The following ZPLD1 variants were observed in gnomAD, a reference collection of about 807,000 sequenced individuals.
ZPLD1 encodes the protein zona pellucida-like domain-containing protein 1.
Under a neutral mutation model 47.2 loss-of-function variants are expected in ZPLD1, and 34 were observed. The observed-to-expected ratio is 0.72, with a 90% CI of 0.55 to 0.96. The LOEUF is 0.96. Ranked by LOEUF, ZPLD1 falls within the 40% of genes least tolerant of loss-of-function variation. The pLI, the probability that ZPLD1 is intolerant of heterozygous loss-of-function variation, is 0.00. For synonymous variants in ZPLD1, 176 were observed against 186.2 expected (o/e 0.95, Z 0.45); for missense variants, 512 against 505.8 (o/e 1.01, Z -0.12).
intron 2 of ZPLD1, among the ~76,000 whole-genome samples, chr3:102,437,980 A>G (rs1021354016): frequency 5.9e-5 from 9 of 152,138 alleles, no homozygotes; most frequent in Admixed American, 4.6e-4. Context: ...CTGTTGGGGG[A>G]GACTTTTTTC....
chr3:102,477,594 C>T lies in ZPLD1; in HGVS notation c.1224C>T (p.Gly408=), dbSNP rs1440891733. The T allele has an allele frequency of 1.2e-6, 2 of 1,612,792 alleles. No homozygotes were observed. The highest frequency in any genetic ancestry group is 1.7e-5 in the Admixed American group (1 of 59,784). ...GACCCACAAGTTTAGTGTTGAATGG[C>T]ATAAGAAACCCAGTCTTTGACTGAC... is the stretch of plus-strand genomic sequence containing the variant. ...RKGPTSLVLN[G]IRNPVFD The change falls in exon 12 of 12, where the codon GGC becomes GGT. Residue 408 remains glycine, a synonymous_variant. Coordinates refer to ENST00000466937, the MANE Select transcript of ZPLD1 (RefSeq NM_001329788.2).
rs376223606 is a variant in ZPLD1, at chr3:102,456,175, C to T, written c.328-18C>T. The T allele has an allele frequency of 5.0e-6, 8 of 1,601,560 alleles. No individual in the cohort carries two copies. The African/African-American group carries it at 1.1e-4, about 22-fold the overall frequency. On this transcript the variant is annotated intron_variant, in intron 4 of 11. Coordinates refer to ENST00000466937, the MANE Select transcript of ZPLD1 (RefSeq NM_001329788.2). ...ATATAGCCATTTAATCATTAAACTG[C>T]ATCTAACATTCTAACAGGTATCCAC...
chr3:102,476,361 A>G (rs986811532), intron 10 of ZPLD1, among the ~76,000 whole-genome samples: 12 of 152,176 alleles, frequency 7.9e-5, no homozygotes, highest in African/African-American at 2.2e-4. Context: ...GAAATCAAGT[A>G]ATATGTTTAT....
At chr3:102,449,946 G>T (rs1439550123) in intron 3 of ZPLD1, among the ~76,000 whole-genome samples, 4 of 152,224 alleles carry the variant, frequency 2.6e-5, no homozygotes, top group African/African-American at 9.6e-5. Flanking sequence ...TAATTAGCTA[G>T]TTACTCACTG....
upstream of ZPLD1, chr3:102,434,994 A>G (rs1211349423): frequency 2.7e-6 from 3 of 1,098,890 alleles, no homozygotes; most frequent in South Asian, 4.1e-5. Flanking sequence ...AGCAGCCAGG[A>G]TGATATGTTT....
chr3:102,443,918 A>G (rs1707217275), intron 3 of ZPLD1, among the ~76,000 whole-genome samples: 1 of 152,212 alleles, frequency 6.6e-6, no homozygotes, highest in African/African-American at 2.4e-5. Context: ...AGTTGTCAAG[A>G]GGATGCCTGC....
intron 7 of ZPLD1, among the ~76,000 whole-genome samples, chr3:102,396,492 A>G (rs1052392641): frequency 1.3e-5 from 2 of 152,148 alleles, no homozygotes; most frequent in African/African-American, 4.8e-5. Context: ...TCAGCTGAAA[A>G]GATTATTTGG....
At position 102,470,355 on chromosome 3, in the gene ZPLD1, G is replaced by C. The variant is rs764688700; in HGVS notation, c.934-39G>C. 3.9e-6 allele frequency: 6 copies of C among 1,526,206 alleles called. No homozygotes were observed. The Middle Eastern group carries it at 5.1e-4, about 129-fold the overall frequency. The allele number at this position is 1,526,206 out of a possible 1,614,324, so 94.5% of individuals were successfully genotyped here. A position where few individuals can be genotyped will look rare whatever the true frequency, so the allele number is the denominator to read the frequency against. On this transcript the variant is annotated intron_variant, in intron 9 of 11. Coordinates refer to ENST00000466937, the MANE Select transcript of ZPLD1 (RefSeq NM_001329788.2). ...AATGGCCATAAAGAAACAATTCTGC[G>C]CCGGTGTGGAATTTCATTTGTTTTC... is the stretch of plus-strand genomic sequence containing the variant.
chr3:102,477,391 A>T, intron 11 of ZPLD1, 52 bp from the exon 12 acceptor site: 1 of 1,561,984 alleles, frequency 6.4e-7, no homozygotes, highest in Non-Finnish European at 8.7e-7. Flanking sequence ...GGTCAAGGTG[A>T]GATAAATATT....
At chr3:102,396,778 G>C (rs926746201) in intron 7 of ZPLD1, among the ~76,000 whole-genome samples, 1 of 152,100 alleles carries the variant, frequency 6.6e-6, no homozygotes, top group Non-Finnish European at 1.5e-5. Flanking sequence ...CAGCTATACT[G>C]AACAGCTCGG....
chr3:102,422,201 G>A (rs1014487055), intron 8 of ZPLD1, among the ~76,000 whole-genome samples: 9 of 151,916 alleles, frequency 5.9e-5, no homozygotes, highest in South Asian at 2.1e-4. Flanking sequence ...TCCTAAATAC[G>A]AAGATGAATA....
At chr3:102,466,403 G>T (rs1217138605) in intron 8 of ZPLD1, among the ~76,000 whole-genome samples, 1 of 152,106 alleles carries the variant, frequency 6.6e-6, no homozygotes, top group Admixed American at 6.5e-5. Context: ...TTCTTGCAGT[G>T]TTCCAATATT....
At chr3:102,422,326 G>A (rs1475253122) in intron 8 of ZPLD1, among the ~76,000 whole-genome samples, 2 of 151,860 alleles carry the variant, frequency 1.3e-5, no homozygotes, top group Non-Finnish European at 2.9e-5. Flanking sequence ...GATATTTTGG[G>A]GTGTCATGAC....
intron 7 of ZPLD1, among the ~76,000 whole-genome samples, chr3:102,399,860 C>G (rs1706599578): frequency 6.6e-6 from 1 of 151,854 alleles, no homozygotes; most frequent in African/African-American, 2.4e-5. Context: ...TGTCTGTCGC[C>G]CAGGCTGGAA....
chr3:102,411,645 A>G (rs1424996766), intron 7 of ZPLD1, among the ~76,000 whole-genome samples: 1 of 151,820 alleles, frequency 6.6e-6, no homozygotes, highest in Non-Finnish European at 1.5e-5. Flanking sequence ...GGTCTCCAAA[A>G]GAATCCTTCC....
At chr3:102,439,748 G>C (rs546669640) in intron 3 of ZPLD1, among the ~76,000 whole-genome samples, 1 of 152,020 alleles carries the variant, frequency 6.6e-6, no homozygotes, top group South Asian at 2.1e-4. Flanking sequence ...TTCATGCTTT[G>C]GTGTTTATAT....
At chr3:102,444,701 A>G (rs963987768) in intron 3 of ZPLD1, among the ~76,000 whole-genome samples, 24 of 152,278 alleles carry the variant, frequency 1.6e-4, no homozygotes, top group South Asian at 4.1e-4. Context: ...CCCAGGATGT[A>G]AATTATTTTC....
chr3:102,447,349 C>A (rs1252570296), intron 3 of ZPLD1, among the ~76,000 whole-genome samples: 2 of 152,126 alleles, frequency 1.3e-5, no homozygotes, highest in African/African-American at 4.8e-5. Context: ...CAAGCGTGAG[C>A]CACCACACCT....
upstream of ZPLD1, among the ~76,000 whole-genome samples, chr3:102,430,680 A>C (rs1707005714): frequency 6.6e-6 from 1 of 152,230 alleles, no homozygotes; most frequent in Non-Finnish European, 1.5e-5. Context: ...GTACCCATGA[A>C]CATACATTTG....
Sources: gnomAD v4.1 joint callset for allele counts (sites outside exome capture counted in the v4.1 genomes callset) on GRCh38, gnomAD v4.1.1 for gene constraint, MANE v1.5 for transcripts, NCBI Gene and HGNC (gene_info 2026-07-23, HGNC 2026-07-21) for gene names.